Variants in APBA1 observed in about 807,000 individuals in gnomAD.
The protein encoded by APBA1 is amyloid beta precursor protein binding family A member 1.
Under a neutral mutation model 86.6 loss-of-function variants are expected in APBA1, and 55 were observed. The observed-to-expected ratio is 0.64, with a 90% CI of 0.51 to 0.80. The LOEUF is 0.80. Ranked by LOEUF, APBA1 falls within the 30% of genes least tolerant of loss-of-function variation. The pLI is 0.00. For missense variants in APBA1, 1,090 were observed against 1,183.0 expected (o/e 0.92, Z 1.15); for synonymous variants, 511 against 493.9 (o/e 1.03, Z -0.46).
intron 1 of APBA1, among the ~76,000 whole-genome samples, chr9:69,567,192 C>A (rs1486075480): frequency 6.6e-6 from 1 of 152,042 alleles, no homozygotes; most frequent in East Asian, 1.9e-4. Context: ...CATTTCCACA[C>A]AGAAGAAACA....
At chr9:69,521,834 G>A (rs1264378408) in intron 1 of APBA1, among the ~76,000 whole-genome samples, 1 of 152,074 alleles carries the variant, frequency 6.6e-6, no homozygotes, top group Non-Finnish European at 1.5e-5. Flanking sequence ...GCGTGAGTAA[G>A]GGACAGTGTG....
intron 2 of APBA1, among the ~76,000 whole-genome samples, chr9:69,512,387 G>C (rs1017012929): frequency 2.0e-5 from 3 of 152,132 alleles, no homozygotes; most frequent in Non-Finnish European, 4.4e-5. Context: ...AGTTCTGGGG[G>C]AATTAAAAGT....
intron 11 of APBA1, 105 bp from the exon 12 acceptor site, chr9:69,432,781 A>G: frequency 8.5e-7 from 1 of 1,175,332 alleles, no homozygotes; most frequent in Non-Finnish European, 1.1e-6. Flanking sequence ...CTCTTGGAGA[A>G]ACTGACATGG....
chr9:69,513,467 A>T (rs1836085107), intron 2 of APBA1, among the ~76,000 whole-genome samples: 1 of 152,216 alleles, frequency 6.6e-6, no homozygotes, highest in Non-Finnish European at 1.5e-5. Flanking sequence ...CTAAAAGGAT[A>T]CAGAAGCCAG....
chr9:69,658,158 C>T (rs1031309735), intron 1 of APBA1, among the ~76,000 whole-genome samples: 1 of 152,172 alleles, frequency 6.6e-6, no homozygotes, highest in Non-Finnish European at 1.5e-5. Context: ...AACCTAATAG[C>T]TCCCTTGGTT....
chr9:69,542,535 T>C (rs1179945873), intron 1 of APBA1, among the ~76,000 whole-genome samples: 1 of 152,224 alleles, frequency 6.6e-6, no homozygotes, highest in African/African-American at 2.4e-5. Flanking sequence ...TCGAAGGACA[T>C]CTTGGTTGCT....
intron 1 of APBA1, among the ~76,000 whole-genome samples, chr9:69,614,093 C>T (rs1822648244): frequency 1.3e-5 from 2 of 152,128 alleles, no homozygotes; most frequent in East Asian, 1.9e-4. Context: ...TTGCTTTTTA[C>T]ATCCATGTAA....
chr9:69,547,689 T>C (rs1239130761), intron 1 of APBA1, among the ~76,000 whole-genome samples: 1 of 152,268 alleles, frequency 6.6e-6, no homozygotes, highest in Non-Finnish European at 1.5e-5. Context: ...AGTTTAATGC[T>C]AGACATATTG....
chr9:69,490,099 G>C (rs1380425267), intron 2 of APBA1, among the ~76,000 whole-genome samples: 1 of 152,112 alleles, frequency 6.6e-6, no homozygotes, highest in Non-Finnish European at 1.5e-5. Context: ...TGATAGACTG[G>C]ATTGAGAAAA....
At position 69,587,525 on chromosome 9, in the gene APBA1, A is replaced by C. The variant is rs556440264; in HGVS notation, c.-69-70246T>G. 1.5e-4 allele frequency among the ~76,000 whole-genome samples: 23 copies of C among 152,304 alleles called. 1 individual carries two copies. The highest frequency in any genetic ancestry group is 1.5e-3 in the Admixed American group (23 of 15,292). On this transcript the variant is annotated intron_variant, in intron 1 of 12. Coordinates refer to ENST00000265381, the MANE Select transcript of APBA1 (RefSeq NM_001163.4). The stretch of plus-strand genomic sequence containing the variant: ...TTTGCCACACTGTTTCATCTTCCTG[A>C]GCACATGAGAAAATGACATTTCTCG...
At chr9:69,635,069 AAC>A (rs1823127235) in intron 1 of APBA1, among the ~76,000 whole-genome samples, 1 of 152,186 alleles carries the variant, frequency 6.6e-6, no homozygotes. Context: ...TGCACAGAAA[AAC>A]ACAGAATATT....
intron 11 of APBA1, among the ~76,000 whole-genome samples, chr9:69,435,096 C>T (rs1489837575): frequency 1.3e-5 from 2 of 152,040 alleles, no homozygotes; most frequent in Admixed American, 6.5e-5. Context: ...TTTCTAGCTT[C>T]ATCCATGTCC....
intron 1 of APBA1, among the ~76,000 whole-genome samples, chr9:69,612,169 A>G (rs959908857): frequency 2.6e-5 from 4 of 152,192 alleles, no homozygotes; most frequent in African/African-American, 7.2e-5. Flanking sequence ...CCCACAAAAT[A>G]CCCATATATT....
At chr9:69,449,475 G>A (rs1429036684) in intron 10 of APBA1, 109 bp downstream of exon 10, 4 of 1,011,568 alleles carry the variant, frequency 4.0e-6, no homozygotes, top group African/African-American at 1.6e-5. Context: ...TGTCTTCCTT[G>A]GTGCCTGACA....
chr9:69,428,007 G>A lies in APBA1; in HGVS notation c.*3320C>T, dbSNP rs992966310. 8.5e-5 allele frequency: 13 copies of A among 152,234 alleles called. No homozygotes were observed. Among genetic ancestry groups the A allele is most frequent in the Admixed American group, 6.6e-5 (1 of 15,266 alleles). The allele number at this position is 152,234 out of a possible 1,614,324, so 9.4% of individuals were successfully genotyped here. ...GAGGGGAAGAAAGATCGAGTTGTGT[G>A]CTCAAGTCAACCTAGGCCAGGGAAG... On this transcript the variant is annotated 3_prime_UTR_variant, in exon 13 of 13. Coordinates refer to ENST00000265381, the MANE Select transcript of APBA1 (RefSeq NM_001163.4).
chr9:69,472,806 C>A (rs910626908), intron 3 of APBA1, among the ~76,000 whole-genome samples: 4 of 152,156 alleles, frequency 2.6e-5, no homozygotes, highest in African/African-American at 9.7e-5. Flanking sequence ...AACTCCCTAA[C>A]CTAGCACTTG....
At chr9:69,467,288 T>A (rs550214231) in intron 5 of APBA1, among the ~76,000 whole-genome samples, 1 of 152,214 alleles carries the variant, frequency 6.6e-6, no homozygotes, top group Non-Finnish European at 1.5e-5. Flanking sequence ...CATGTTATGA[T>A]TGGCTCAAAC....
intron 1 of APBA1, among the ~76,000 whole-genome samples, chr9:69,638,774 T>G (rs1823228961): frequency 6.6e-6 from 1 of 152,236 alleles, no homozygotes; most frequent in African/African-American, 2.4e-5. Flanking sequence ...AATCTTTTTC[T>G]TTCAGATGCC....
At position 69,483,738 on chromosome 9, in the gene APBA1, C is replaced by T. The variant is rs138068908; in HGVS notation, c.1201-7595G>A. Among the ~76,000 whole-genome samples the T allele has an allele frequency of 9.9e-4, 151 of 152,132 alleles. 2 individuals carry two copies. The highest frequency in any genetic ancestry group is 3.5e-3 in the African/African-American group (144 of 41,514). On this transcript the variant is annotated intron_variant, in intron 2 of 12. Coordinates refer to ENST00000265381, the MANE Select transcript of APBA1 (RefSeq NM_001163.4). ...GGGAGGTCAGGACAACGAACAAACCCCTTAAACATTCACATGCAGACATCA... is the reference window on the plus strand; with the variant it reads ...GGGAGGTCAGGACAACGAACAAACCTCTTAAACATTCACATGCAGACATCA...
Sources: allele counts gnomAD v4.1 joint callset (sites outside exome capture counted in the v4.1 genomes callset), GRCh38; gene constraint gnomAD v4.1.1; transcripts MANE v1.5; gene names NCBI Gene and HGNC (gene_info 2026-07-23, HGNC 2026-07-21).